Variants in PAK5 observed in about 807,000 individuals in gnomAD.
PAK5 encodes the protein serine/threonine-protein kinase PAK 5.
PAK5 carries 16 observed loss-of-function variants against 65.9 expected under a neutral mutation model. The ratio of observed to expected loss-of-function variants is 0.24; its 90% CI spans 0.16 to 0.37. The LOEUF is 0.37. Among genes scored for constraint, PAK5 ranks in the 10% least tolerant of loss-of-function variants. The pLI, the probability that PAK5 is intolerant of heterozygous loss-of-function variation, is 1.00. For missense variants in PAK5, 785 were observed against 903.9 expected (o/e 0.87, Z 1.69); for synonymous variants, 371 against 354.9 (o/e 1.05, Z -0.51).
At chr20:9,768,410 G>T (rs1441030072) in intron 1 of PAK5, among the ~76,000 whole-genome samples, 1 of 151,950 alleles carries the variant, frequency 6.6e-6, no homozygotes, top group Admixed American at 6.5e-5. Flanking sequence ...GCCCATACCT[G>T]CTGCAATATA....
intron 3 of PAK5, among the ~76,000 whole-genome samples, chr20:9,581,635 C>T (rs1169622919): frequency 6.6e-6 from 1 of 152,128 alleles, no homozygotes; most frequent in Admixed American, 6.5e-5. Context: ...AACATCACCG[C>T]TGAATTTTGG....
chr20:9,594,262 T>A (rs946319995), intron 3 of PAK5, among the ~76,000 whole-genome samples: 6 of 152,196 alleles, frequency 3.9e-5, no homozygotes, highest in Admixed American at 3.9e-4. Flanking sequence ...CCCATCCAGA[T>A]CTACTGAATC....
intron 3 of PAK5, among the ~76,000 whole-genome samples, chr20:9,639,681 G>GA (rs1487219706): frequency 2.6e-5 from 4 of 152,244 alleles, no homozygotes; most frequent in Non-Finnish European, 5.9e-5. Context: ...CATATGGACT[G>GA]AATGCTCATG....
chr20:9,715,171 T>C (rs1397900388), intron 1 of PAK5, among the ~76,000 whole-genome samples: 1 of 151,982 alleles, frequency 6.6e-6, no homozygotes, highest in African/African-American at 2.4e-5. Flanking sequence ...ATATCCACAA[T>C]CTACAAAGAA....
intron 2 of PAK5, among the ~76,000 whole-genome samples, chr20:9,681,503 A>T (rs757243865): frequency 2.0e-5 from 3 of 151,590 alleles, no homozygotes; most frequent in Middle Eastern, 6.9e-3. Context: ...ATTTGTTATC[A>T]TTCCTTTTCC....
intron 1 of PAK5, among the ~76,000 whole-genome samples, chr20:9,743,401 C>CAAACA (rs1555920446): frequency 1.8e-4 from 10 of 55,962 alleles, no homozygotes; most frequent in Admixed American, 4.0e-4. Context: ...CAAAAAAAAA[C>CAAACA]AAACGAAACA....
At chr20:9,606,512 G>A (rs1195132803) in intron 3 of PAK5, among the ~76,000 whole-genome samples, 2 of 152,098 alleles carry the variant, frequency 1.3e-5, no homozygotes, top group Admixed American at 6.5e-5. Context: ...GCCCAGGAGG[G>A]GCAATAACTA....
At chr20:9,780,961 G>A (rs917455284) in intron 1 of PAK5, among the ~76,000 whole-genome samples, 1 of 151,996 alleles carries the variant, frequency 6.6e-6, no homozygotes, top group South Asian at 2.1e-4. Flanking sequence ...ACTGACAGAG[G>A]TCTCAGATTG....
At chr20:9,665,085 G>GTTTTTTTCTTT (rs1555910639) in intron 2 of PAK5, among the ~76,000 whole-genome samples, 1 of 98,920 alleles carries the variant, frequency 1.0e-5, no homozygotes, top group Non-Finnish European at 1.9e-5. Flanking sequence ...AAATTTTTCT[G>GTTTTTTTCTTT]TTTTTTTTTT....
intron 4 of PAK5, among the ~76,000 whole-genome samples, chr20:9,571,878 G>T (rs1006019961): frequency 1.4e-5 from 2 of 145,930 alleles, no homozygotes; most frequent in South Asian, 2.4e-4. Context: ...GAATGATGGG[G>T]GGGGGGGATG....
intron 3 of PAK5, among the ~76,000 whole-genome samples, chr20:9,585,527 C>T (rs1442616420): frequency 6.6e-6 from 1 of 152,134 alleles, no homozygotes; most frequent in African/African-American, 2.4e-5. Flanking sequence ...TTCTATCGTG[C>T]GCTCCACTCT....
intron 2 of PAK5, among the ~76,000 whole-genome samples, chr20:9,676,159 A>T (rs531941857): frequency 6.6e-6 from 1 of 152,102 alleles, no homozygotes; most frequent in Non-Finnish European, 1.5e-5. Context: ...CCCTTACAAT[A>T]ATCATCAAAT....
chr20:9,576,594 G>A (rs1344751405), intron 4 of PAK5, among the ~76,000 whole-genome samples: 1 of 152,206 alleles, frequency 6.6e-6, no homozygotes, highest in Admixed American at 6.5e-5. Context: ...ACCTAGTTGT[G>A]AAATTAATTG....
chr20:9,835,821 G>A (rs558353964), intron 1 of PAK5, among the ~76,000 whole-genome samples: 111 of 152,330 alleles, frequency 7.3e-4, no homozygotes, highest in African/African-American at 2.6e-3. Context: ...AAAGCAACTC[G>A]ATGGATAGTG....
At position 9,647,300 on chromosome 20, in the gene PAK5, T is replaced by C. The variant is rs186098825; in HGVS notation, c.-11-2961A>G. On this transcript the variant is annotated intron_variant, in intron 2 of 9. Transcript: ENST00000353224. Reference sequence around the variant, plus strand: ...TACACCATCTCTCTAAATTATTTAGTGAGCATAAAATACATTTGAAAATAT... The same window carrying C: ...TACACCATCTCTCTAAATTATTTAGCGAGCATAAAATACATTTGAAAATAT... Among the ~76,000 whole-genome samples, 19 of 152,354 alleles carry C rather than the reference T, an allele frequency of 1.2e-4. No homozygotes were observed. In the East Asian group the frequency reaches 3.5e-3, roughly 28 times the overall value.
chr20:9,759,165 A>G (rs2048669581), intron 1 of PAK5, among the ~76,000 whole-genome samples: 1 of 152,176 alleles, frequency 6.6e-6, no homozygotes, highest in Admixed American at 6.5e-5. Context: ...ATCCAGGAAA[A>G]GTATTAATTG....
intron 1 of PAK5, among the ~76,000 whole-genome samples, chr20:9,837,996 C>T (rs1234492891): frequency 6.6e-6 from 1 of 152,070 alleles, no homozygotes; most frequent in Non-Finnish European, 1.5e-5. Context: ...TCAAGAAGGG[C>T]GATCGCGCTT....
chr20:9,702,819 A>C (rs1216104629), intron 2 of PAK5, among the ~76,000 whole-genome samples: 1 of 152,192 alleles, frequency 6.6e-6, no homozygotes, highest in African/African-American at 2.4e-5. Flanking sequence ...GACCTCTAAC[A>C]CTAAGCACTG....
intron 1 of PAK5, among the ~76,000 whole-genome samples, chr20:9,736,058 C>A (rs948422027): frequency 6.6e-6 from 1 of 151,840 alleles, no homozygotes; most frequent in Non-Finnish European, 1.5e-5. Flanking sequence ...TGCACCCTCA[C>A]CCCCAGCTAA....
Sources: allele counts gnomAD v4.1 joint callset (sites outside exome capture counted in the v4.1 genomes callset), GRCh38; gene constraint gnomAD v4.1.1; transcripts MANE v1.5; gene names NCBI Gene and HGNC (gene_info 2026-07-23, HGNC 2026-07-21).